Variants in SLC24A3 observed in about 807,000 individuals in gnomAD.
The protein encoded by SLC24A3 is sodium/potassium/calcium exchanger 3.
In SLC24A3, 28 loss-of-function variants were observed where a neutral mutation model predicts 75.8. The observed-to-expected ratio is 0.37, with a 90% CI of 0.27 to 0.51. The LOEUF (loss-of-function observed/expected upper bound fraction) is 0.51. SLC24A3 is among the 20% of genes least tolerant of loss of function. The pLI is 0.94. For synonymous variants in SLC24A3, 372 were observed against 334.1 expected, an observed-to-expected ratio of 1.11 and a Z score of -1.24; for missense variants, 663 against 847.8, an observed-to-expected ratio of 0.78 and a Z score of 2.71.
rs1019713924 is a variant in SLC24A3 at position 19,317,401 on chromosome 20, C to T, written c.271+36314C>T. On this transcript the variant is annotated intron_variant, in intron 2 of 16. Coordinates refer to ENST00000328041, the MANE Select transcript of SLC24A3 (RefSeq NM_020689.4). ...GAATCATCTCATTTCTGTTTCTCCTCAATTGCCAAGTGTTACTTTCATTTC... is the reference window on the plus strand; with the variant it reads ...GAATCATCTCATTTCTGTTTCTCCTTAATTGCCAAGTGTTACTTTCATTTC... 3.9e-5 allele frequency among the ~76,000 whole-genome samples: 6 copies of T among 152,334 alleles called. No individual in the cohort carries two copies. The East Asian group carries it at 9.7e-4, about 25-fold the overall frequency.
At chr20:19,501,109 C>T (rs1251137568) in intron 2 of SLC24A3, among the ~76,000 whole-genome samples, 1 of 152,128 alleles carries the variant, frequency 6.6e-6, no homozygotes, top group African/African-American at 2.4e-5. Flanking sequence ...GCCAATGACA[C>T]AAACTCATAG....
intron 1 of SLC24A3, among the ~76,000 whole-genome samples, chr20:19,237,557 C>T (rs1265115374): frequency 6.6e-6 from 1 of 152,214 alleles, no homozygotes; most frequent in Non-Finnish European, 1.5e-5. Flanking sequence ...TCCAGTCTCT[C>T]TGAGACAACC....
At chr20:19,673,386 G>C (rs2032490606) in intron 8 of SLC24A3, among the ~76,000 whole-genome samples, 1 of 152,200 alleles carries the variant, frequency 6.6e-6, no homozygotes, top group Non-Finnish European at 1.5e-5. Context: ...AGAGGAAGGG[G>C]CATTTTCCCT....
chr20:19,650,584 G>A (rs376765580), intron 6 of SLC24A3, among the ~76,000 whole-genome samples: 6 of 152,014 alleles, frequency 3.9e-5, no homozygotes, highest in Non-Finnish European at 8.8e-5. Context: ...TTCAGTTACC[G>A]GCATTCTCCA....
Position 19,440,186 on chromosome 20 carries a change from A to G in SLC24A3, c.272-75302A>G, listed in dbSNP as rs60415910. Among the ~76,000 whole-genome samples, 563 of 152,304 alleles carry G rather than the reference A, an allele frequency of 3.7e-3. 5 individuals are homozygous for G. Among genetic ancestry groups the G allele is most frequent in the African/African-American group, 0.011 (461 of 41,554 alleles). ...TTATTTCGAAGCTCAGAGATATCCA[A>G]TGTAAATTTAAGAGCAGCACCACAG... On this transcript the variant is annotated intron_variant, in intron 2 of 16. Coordinates refer to ENST00000328041, the MANE Select transcript of SLC24A3 (RefSeq NM_020689.4).
chr20:19,398,525 T>A (rs1171596587), intron 2 of SLC24A3, among the ~76,000 whole-genome samples: 1 of 152,200 alleles, frequency 6.6e-6, no homozygotes, highest in Non-Finnish European at 1.5e-5. Context: ...TGCATTTTGA[T>A]TTTGTATCTT....
rs371884638 is a variant in SLC24A3, at chr20:19,346,332, G to GTATA, written c.271+65253_271+65256dup. Among the ~76,000 whole-genome samples, 40 of 49,818 alleles carry GTATA rather than the reference G, an allele frequency of 8.0e-4. 2 individuals are homozygous for GTATA. Among genetic ancestry groups the GTATA allele is most frequent in the Middle Eastern group, 0.018 (1 of 56 alleles). The allele number at this position is 49,818 out of a possible 152,430, so 32.7% of individuals were successfully genotyped here. A position where few individuals can be genotyped will look rare whatever the true frequency, so the allele number is the denominator to read the frequency against. The stretch of plus-strand genomic sequence containing the variant: ...TATATATATGGTATATATATATGGT[G>GTATA]TATATATATATGGTATATATATGGT... On this transcript the variant is annotated intron_variant, in intron 2 of 16. Transcript: ENST00000328041.
chr20:19,246,586 C>G (rs77462872), intron 1 of SLC24A3, among the ~76,000 whole-genome samples: 2 of 151,850 alleles, frequency 1.3e-5, no homozygotes, highest in Non-Finnish European at 2.9e-5. Flanking sequence ...AACAAGAAAT[C>G]GAAAATGTGA....
chr20:19,376,270 C>T (rs542379058), intron 2 of SLC24A3, among the ~76,000 whole-genome samples: 9 of 152,122 alleles, frequency 5.9e-5, no homozygotes, highest in Admixed American at 1.3e-4. Flanking sequence ...TTGGGAATAA[C>T]GTTTTAGGTG....
chr20:19,395,118 T>C (rs1364396630), intron 2 of SLC24A3, among the ~76,000 whole-genome samples: 1 of 152,210 alleles, frequency 6.6e-6, no homozygotes, highest in Non-Finnish European at 1.5e-5. Context: ...GTGTAACTTA[T>C]GTGTGGCATC....
intron 14 of SLC24A3, 129 bp downstream of exon 14, chr20:19,697,040 A>G: frequency 2.0e-5 from 11 of 537,560 alleles, no homozygotes; most frequent in Non-Finnish European, 2.0e-5. Context: ...AGAAGGAAAG[A>G]GGGAGGGAGG....
At chr20:19,518,921 G>T (rs638351) in intron 3 of SLC24A3, among the ~76,000 whole-genome samples, 2 of 152,152 alleles carry the variant, frequency 1.3e-5, no homozygotes, top group African/African-American at 4.8e-5. Flanking sequence ...AGGACAGAAC[G>T]ACCCCAGGAG....
intron 9 of SLC24A3, among the ~76,000 whole-genome samples, chr20:19,675,430 T>G (rs993472336): frequency 3.3e-5 from 5 of 152,246 alleles, no homozygotes; most frequent in African/African-American, 1.2e-4. Flanking sequence ...ACTGAGACAC[T>G]TGTTGAGAGA....
chr20:19,475,416 A>G (rs6075517), intron 2 of SLC24A3, among the ~76,000 whole-genome samples: 89,452 of 151,874 alleles, frequency 0.59, 26,557 homozygotes, highest in East Asian at 0.72. Flanking sequence ...AAAGGGCCCA[A>G]TGGATGGCTA....
At chr20:19,364,453 G>T (rs1985848478) in intron 2 of SLC24A3, among the ~76,000 whole-genome samples, 1 of 151,220 alleles carries the variant, frequency 6.6e-6, no homozygotes, top group Non-Finnish European at 1.5e-5. Flanking sequence ...CTCAAGAACA[G>T]TTAACTTTTT....
chr20:19,661,816 C>T (rs2032330434), intron 7 of SLC24A3, among the ~76,000 whole-genome samples: 1 of 152,048 alleles, frequency 6.6e-6, no homozygotes, highest in Non-Finnish European at 1.5e-5. Flanking sequence ...ACTAGGGGCT[C>T]CTGGCTCTTC....
chr20:19,541,312 C>T (rs58877667), intron 3 of SLC24A3, among the ~76,000 whole-genome samples: 4,613 of 152,292 alleles, frequency 0.03, 207 homozygotes, highest in African/African-American at 0.094. Flanking sequence ...CCTAACACTC[C>T]TCCATCCCCA....
chr20:19,717,844 A>G (rs2033059657), intron 16 of SLC24A3, among the ~76,000 whole-genome samples: 1 of 152,202 alleles, frequency 6.6e-6, no homozygotes, highest in Non-Finnish European at 1.5e-5. Flanking sequence ...ATTTTCCCAA[A>G]CACAAAGAGA....
intron 2 of SLC24A3, among the ~76,000 whole-genome samples, chr20:19,334,565 C>A (rs543668071): frequency 6.6e-6 from 1 of 152,264 alleles, no homozygotes; most frequent in African/African-American, 2.4e-5. Flanking sequence ...TCAGTGCCAA[C>A]ATCAATGTGA....
Sources: allele counts gnomAD v4.1 joint callset (sites outside exome capture counted in the v4.1 genomes callset), GRCh38; gene constraint gnomAD v4.1.1; transcripts MANE v1.5; gene names NCBI Gene and HGNC (gene_info 2026-07-23, HGNC 2026-07-21).